Variants in DRC7 observed in about 807,000 individuals in gnomAD.
The protein encoded by DRC7 is dynein regulatory complex subunit 7.
Under a neutral mutation model 104.4 loss-of-function variants are expected in DRC7, and 80 were observed. The ratio of observed to expected loss-of-function variants is 0.77; its 90% CI spans 0.64 to 0.92. The LOEUF is 0.92. Ranked by LOEUF, DRC7 falls within the 40% of genes least tolerant of loss-of-function variation. The pLI is 0.00. For missense variants in DRC7, 1,034 were observed against 1,141.1 expected (o/e 0.91, Z 1.35); for synonymous variants, 405 against 447.3 (o/e 0.91, Z 1.19).
chr16:57,721,600 T>C, intron 9 of DRC7, 67 bp from the exon 10 acceptor site: 1 of 1,279,428 alleles, frequency 7.8e-7, no homozygotes, highest in South Asian at 1.2e-5. Flanking sequence ...AGACAGAGCT[T>C]TGACCATAAC....
chr16:57,712,751 T>G (rs2048802774), intron 8 of DRC7, among the ~76,000 whole-genome samples: 1 of 152,084 alleles, frequency 6.6e-6, no homozygotes. Context: ...CACTGCAATC[T>G]CCACCTCCTG....
chr16:57,716,154 A>G (rs999170174), intron 8 of DRC7, among the ~76,000 whole-genome samples: 2 of 152,346 alleles, frequency 1.3e-5, no homozygotes, highest in Admixed American at 1.3e-4. Context: ...ACAAAGCATA[A>G]TATCTAACTA....
chr16:57,717,242 T>G (rs1248977378), intron 8 of DRC7, among the ~76,000 whole-genome samples: 1 of 149,814 alleles, frequency 6.7e-6, no homozygotes, highest in Non-Finnish European at 1.5e-5. Context: ...TGTTTTTTTT[T>G]TTTTTTTGGA....
Position 57,697,983 on chromosome 16 carries a change from G to C in DRC7, c.34G>C (p.Glu12Gln). ...CCTGAGGGAGAAGGTGGAGGAGGAG[G>C]AGGAGGCCGAGCGGGAGGAGGCGGC... ...EVLREKVEEE[E>Q]EAEREEAAEW... The change falls in exon 3 of 19, where the codon GAG (glutamate) becomes CAG (glutamine). Residue 12 changes from glutamate to glutamine, a missense_variant. Physicochemically the swap from Glu to Gln is conservative, Grantham distance 29. Transcript: ENST00000360716. The C allele has an allele frequency of 6.2e-7, 1 of 1,613,396 alleles. No homozygotes were observed.
intron 7 of DRC7, among the ~76,000 whole-genome samples, chr16:57,707,146 C>T (rs2048740661): frequency 6.6e-6 from 1 of 152,174 alleles, no homozygotes; most frequent in Non-Finnish European, 1.5e-5. Context: ...CTTGGTCTCC[C>T]ATTTCCTTTC....
rs62039917 is a variant in DRC7 at position 57,714,185 on chromosome 16, A to G, written c.1078-4162A>G. On this transcript the variant is annotated intron_variant, in intron 8 of 18. Coordinates refer to ENST00000360716, the MANE Select transcript of DRC7 (RefSeq NM_001289162.2). Reference sequence around the variant, plus strand: ...GGTACAATTCACTGACAGAGAGTCCAAGTACTGTGAACTTTGTGACTCCAT... The same window carrying G: ...GGTACAATTCACTGACAGAGAGTCCGAGTACTGTGAACTTTGTGACTCCAT... 941 of 166,880 alleles carry G rather than the reference A, an allele frequency of 5.6e-3. 7 individuals carry two copies. Among genetic ancestry groups the G allele is most frequent in the Middle Eastern group, 8.2e-3 (3 of 366 alleles). 10.3% of individuals were successfully genotyped at this position (166,880 alleles called of 1,614,324 possible).
At position 57,708,240 on chromosome 16, in the gene DRC7, C is replaced by T. The variant is rs547102440; in HGVS notation, c.1077+562C>T. 2.0e-5 allele frequency among the ~76,000 whole-genome samples: 3 copies of T among 152,248 alleles called. No individual in the cohort carries two copies. In the South Asian group the frequency reaches 6.2e-4, roughly 32 times the overall value. ...CTGTGTAGCCAGGACCATTAGAAGC[C>T]CCCTCATGTCTCCTCCTGGCCACCA... is the stretch of plus-strand genomic sequence containing the variant. On this transcript the variant is annotated intron_variant, in intron 8 of 18. Coordinates refer to ENST00000360716, the MANE Select transcript of DRC7 (RefSeq NM_001289162.2).
intron 9 of DRC7, among the ~76,000 whole-genome samples, chr16:57,721,067 C>G (rs113211209): frequency 6.6e-5 from 10 of 152,166 alleles, no homozygotes; most frequent in African/African-American, 2.4e-4. Flanking sequence ...ATACAAAAAT[C>G]AACTGGGTGT....
At chr16:57,719,491 T>C (rs1005029240) in intron 9 of DRC7, among the ~76,000 whole-genome samples, 8 of 152,128 alleles carry the variant, frequency 5.3e-5, no homozygotes, top group African/African-American at 1.9e-4. Context: ...AATCTGTTCT[T>C]ATAAGGACAC....
rs565102397 is a variant in DRC7, at chr16:57,722,319, G to T, written c.1280-394G>T. On this transcript the variant is annotated intron_variant, in intron 10 of 18. Coordinates refer to ENST00000360716, the MANE Select transcript of DRC7 (RefSeq NM_001289162.2). ...CCTGGGGATGGGTGAGCAGAAAGGGGTACCAGAAGTAGGCTAGGGGTCACC... is the reference window on the plus strand; with the variant it reads ...CCTGGGGATGGGTGAGCAGAAAGGGTTACCAGAAGTAGGCTAGGGGTCACC... 2.0e-5 allele frequency among the ~76,000 whole-genome samples: 3 copies of T among 152,318 alleles called. No homozygotes were observed. The South Asian group carries it at 6.2e-4, about 32-fold the overall frequency.
rs1290920480 is a variant in DRC7 at position 57,696,552 on chromosome 16, C to T, written c.-80C>T. 3.9e-5 allele frequency: 6 copies of T among 152,454 alleles called. No individual in the cohort carries two copies. Among genetic ancestry groups the T allele is most frequent in the Non-Finnish European group, 8.8e-5 (6 of 68,102 alleles). The allele number at this position is 152,454 out of a possible 1,614,324, so 9.4% of individuals were successfully genotyped here. A position where few individuals can be genotyped will look rare whatever the true frequency, so the allele number is the denominator to read the frequency against. On this transcript the variant is annotated 5_prime_UTR_variant, in exon 2 of 19. Transcript: ENST00000360716. ...ACCAGGCACACTGCTGCCCCCCACA[C>T]AACTGGGGTTCTGCCGTATAGAAGA...
In DRC7 at chr16:57,722,754, T is replaced by C; in HGVS notation, c.1321T>C (p.Tyr441His). 6.2e-7 allele frequency: 1 copy of C among 1,613,846 alleles called. No homozygotes were observed. The highest frequency in any genetic ancestry group is 8.5e-7 in the Non-Finnish European group (1 of 1,179,994). Residue 441 changes from tyrosine to histidine, a missense_variant, in exon 11 of 19, where the codon TAC becomes CAC. Physicochemically the swap from Tyr to His is moderately conservative, Grantham distance 83. Coordinates refer to ENST00000360716, the MANE Select transcript of DRC7 (RefSeq NM_001289162.2). ...RCPNGKKVIQ[Y>H]KRAKLEKWAP... ...CCCGAACGGGAAGAAGGTGATTCAG[T>C]ACAAGAGGGCAAAGCTGGAGAAGTG...
At chr16:57,716,362 G>A (rs2048843738) in intron 8 of DRC7, among the ~76,000 whole-genome samples, 9 of 151,914 alleles carry the variant, frequency 5.9e-5, no homozygotes, top group Admixed American at 5.9e-4. Context: ...AATTAGCTGG[G>A]TGTGGTGGCG....
intron 6 of DRC7, 50 bp from the exon 7 acceptor site, chr16:57,704,826 T>A: frequency 6.3e-7 from 1 of 1,597,804 alleles, no homozygotes; most frequent in Non-Finnish European, 8.5e-7. Flanking sequence ...GTTGCACATG[T>A]AAAGGGGGGA....
intron 2 of DRC7, among the ~76,000 whole-genome samples, chr16:57,697,633 C>A (rs1276284760): frequency 3.3e-5 from 5 of 152,100 alleles, no homozygotes; most frequent in Non-Finnish European, 7.4e-5. Flanking sequence ...TCGACACGTG[C>A]CTTTCCCTGT....
intron 8 of DRC7, chr16:57,714,971 G>T: frequency 3.0e-6 from 1 of 331,290 alleles, no homozygotes; most frequent in Non-Finnish European, 5.9e-6. Context: ...TGTAGGGCAG[G>T]ACAGTGACAT....
chr16:57,731,338 C>A lies in DRC7; in HGVS notation c.*80C>A. ...AGCCTGGCTCCTGTGTTCCCTCTAT[C>A]CAGCCAATGCCTGTTTACACAGACA... On this transcript the variant is annotated 3_prime_UTR_variant, in exon 19 of 19. Coordinates refer to ENST00000360716, the MANE Select transcript of DRC7 (RefSeq NM_001289162.2). 1.8e-6 allele frequency: 2 copies of A among 1,088,826 alleles called. No homozygotes were observed. The highest frequency in any genetic ancestry group is 1.3e-5 in the South Asian group (1 of 74,330). 67.4% of individuals were successfully genotyped at this position (1,088,826 alleles called of 1,614,324 possible).
rs115944197 is a variant in DRC7 at position 57,730,981 on chromosome 16, G to A, written c.2442G>A (p.Val814=). The A allele has an allele frequency of 2.0e-4, 320 of 1,613,620 alleles. 3 individuals carry two copies. In the East Asian group the frequency reaches 7.0e-3, roughly 35 times the overall value. Reference sequence around the variant, plus strand: ...AGCAGTGGTACCAGGAGAACCAGGTGACGCTGACACCCGAGGATGAAGACC... The same window carrying A: ...AGCAGTGGTACCAGGAGAACCAGGTAACGCTGACACCCGAGGATGAAGACC... The part of the protein sequence containing the change: ...KKQQWYQENQ[V]TLTPEDEDLY... Residue 814 remains valine, a synonymous_variant, in exon 18 of 19, where the codon GTG becomes GTA. Transcript: ENST00000360716.
chr16:57,705,046 G>A lies in DRC7; in HGVS notation c.858+12G>A, dbSNP rs2048697737. On this transcript the variant is annotated intron_variant, in intron 7 of 18. Transcript: ENST00000360716. Reference sequence around the variant, plus strand: ...AGGAGCGCCTCATGGTGGGTCCTCAGCCCTGAATCCCCTGGGCTCAGCTAT... The same window carrying A: ...AGGAGCGCCTCATGGTGGGTCCTCAACCCTGAATCCCCTGGGCTCAGCTAT... 6.2e-7 allele frequency: 1 copy of A among 1,610,064 alleles called. No individual in the cohort carries two copies. The highest frequency in any genetic ancestry group is 8.5e-7 in the Non-Finnish European group (1 of 1,179,112).
Sources: gnomAD v4.1 joint callset for allele counts (sites outside exome capture counted in the v4.1 genomes callset) on GRCh38, gnomAD v4.1.1 for gene constraint, MANE v1.5 for transcripts, NCBI Gene and HGNC (gene_info 2026-07-23, HGNC 2026-07-21) for gene names.